The following PPTC7 variants were observed in gnomAD, a reference collection of about 807,000 sequenced individuals.
PPTC7 encodes protein phosphatase PTC7 homolog.
PPTC7 carries 6 observed loss-of-function variants against 30.8 expected under a neutral mutation model. That is an observed-to-expected ratio of 0.19 (90% CI 0.11 to 0.38). The LOEUF is 0.38. Ranked by LOEUF, PPTC7 falls within the 10% of genes least tolerant of loss-of-function variation. The pLI is 1.00. For synonymous variants in PPTC7, 163 were observed against 168.1 expected (o/e 0.97, Z 0.23); for missense variants, 218 against 404.8 (o/e 0.54, Z 3.96).
intron 3 of PPTC7, among the ~76,000 whole-genome samples, chr12:110,542,727 A>G (rs532586756): frequency 3.3e-4 from 50 of 151,744 alleles, no homozygotes; most frequent in African/African-American, 1.1e-3. Context: ...AACTGCTCAT[A>G]AAGAAACCTT....
chr12:110,537,246 T>C, intron 5 of PPTC7, 151 bp from the exon 6 acceptor site: 1 of 513,852 alleles, frequency 1.9e-6, no homozygotes, highest in Non-Finnish European at 3.4e-6. Context: ...AAAAAATATT[T>C]GATTAAAAAA....
At chr12:110,564,724 G>A (rs1329153368) in intron 1 of PPTC7, among the ~76,000 whole-genome samples, 2 of 150,544 alleles carry the variant, frequency 1.3e-5, no homozygotes, top group African/African-American at 2.5e-5. Context: ...GTGTAGAACT[G>A]TCTCTTAATT....
At chr12:110,544,134 T>C (rs1252131619) in intron 3 of PPTC7, among the ~76,000 whole-genome samples, 1 of 152,232 alleles carries the variant, frequency 6.6e-6, no homozygotes, top group East Asian at 1.9e-4. Context: ...CGCCTACTTT[T>C]ACTTTTTACT....
chr12:110,545,816 G>T, intron 3 of PPTC7, 64 bp downstream of exon 3: 1 of 1,440,256 alleles, frequency 6.9e-7, no homozygotes, highest in Non-Finnish European at 9.8e-7. Context: ...ACTCAAGGGG[G>T]ACAGGAGGGG....
chr12:110,550,306 C>A (rs1368115649), intron 2 of PPTC7, among the ~76,000 whole-genome samples: 3 of 147,546 alleles, frequency 2.0e-5, no homozygotes, highest in African/African-American at 7.6e-5. Flanking sequence ...TTTTGGCTCA[C>A]TGCAAGCTCC....
At chr12:110,542,345 T>G (rs966423776) in intron 3 of PPTC7, among the ~76,000 whole-genome samples, 1 of 150,460 alleles carries the variant, frequency 6.6e-6, no homozygotes, top group East Asian at 1.9e-4. Flanking sequence ...TGCTTCTATA[T>G]GCAGGGAATA....
intron 1 of PPTC7, among the ~76,000 whole-genome samples, chr12:110,576,129 C>T (rs2064586962): frequency 6.6e-6 from 1 of 152,104 alleles, no homozygotes. Context: ...ACTAAATCCA[C>T]TCACACTTCC....
intron 2 of PPTC7, among the ~76,000 whole-genome samples, chr12:110,551,170 C>T (rs1384200679): frequency 6.6e-6 from 1 of 152,150 alleles, no homozygotes. Context: ...CATTCTCATA[C>T]CTATCTTTTG....
intron 3 of PPTC7, among the ~76,000 whole-genome samples, chr12:110,540,936 C>T (rs926205628): frequency 4.6e-5 from 7 of 151,730 alleles, no homozygotes; most frequent in South Asian, 2.1e-4. Context: ...CAACCATGCC[C>T]GGCTAATTTT....
intron 1 of PPTC7, among the ~76,000 whole-genome samples, chr12:110,579,029 G>C (rs982512589): frequency 6.6e-6 from 1 of 152,022 alleles, no homozygotes; most frequent in Non-Finnish European, 1.5e-5. Context: ...CATGCCTGTA[G>C]TCCCAGCTAC....
intron 1 of PPTC7, among the ~76,000 whole-genome samples, chr12:110,569,670 G>T (rs1231177339): frequency 2.0e-5 from 3 of 152,120 alleles, no homozygotes; most frequent in Non-Finnish European, 4.4e-5. Flanking sequence ...CTTAGGAAAA[G>T]AAAACAAAAC....
intron 1 of PPTC7, among the ~76,000 whole-genome samples, chr12:110,559,412 A>AT (rs538513009): frequency 0.12 from 17,882 of 144,784 alleles, 1,197 homozygotes; most frequent in African/African-American, 0.19. Context: ...GAAGAAAAAA[A>AT]TTTTTTTTTT....
chr12:110,555,342 G>A (rs2064377369), intron 1 of PPTC7, among the ~76,000 whole-genome samples: 1 of 152,136 alleles, frequency 6.6e-6, no homozygotes, highest in Admixed American at 6.5e-5. Context: ...TAAAAACTCT[G>A]GGATTCGTTT....
intron 3 of PPTC7, among the ~76,000 whole-genome samples, chr12:110,544,719 AGCT>A (rs1416158065): frequency 1.3e-5 from 2 of 152,128 alleles, no homozygotes; most frequent in Non-Finnish European, 2.9e-5. Context: ...CTGTAATCCC[AGCT>A]ACTTGGGAGG....
chr12:110,544,463 A>G (rs1181594452), intron 3 of PPTC7, among the ~76,000 whole-genome samples: 1 of 152,232 alleles, frequency 6.6e-6, no homozygotes. Context: ...AAGATTGTTA[A>G]AGACACTGAA....
chr12:110,579,871 G>A (rs1021846837), intron 1 of PPTC7, among the ~76,000 whole-genome samples: 4 of 152,006 alleles, frequency 2.6e-5, no homozygotes, highest in Non-Finnish European at 5.9e-5. Context: ...AAATTAGCCG[G>A]GCGTGATGGC....
Position 110,570,044 on chromosome 12 carries a change from G to C in PPTC7, c.223+12765C>G, listed in dbSNP as rs557562890. Among the ~76,000 whole-genome samples, 17 of 152,300 alleles carry C rather than the reference G, an allele frequency of 1.1e-4. No homozygotes were observed. In the Middle Eastern group the frequency reaches 0.017, roughly 152 times the overall value. On this transcript the variant is annotated intron_variant, in intron 1 of 5. Coordinates refer to ENST00000354300, the MANE Select transcript of PPTC7 (RefSeq NM_139283.2). ...ATGGTTATAAATTAGTATTTGTGGG[G>C]AAAAGCAAGAGAGATCAGATTGTTA...
chr12:110,569,266 G>A (rs1160958779), intron 1 of PPTC7, among the ~76,000 whole-genome samples: 1 of 151,646 alleles, frequency 6.6e-6, no homozygotes, highest in Non-Finnish European at 1.5e-5. Flanking sequence ...CCAGGAGGCG[G>A]AGGTTGAAGT....
chr12:110,580,620 G>A (rs758646369), intron 1 of PPTC7, among the ~76,000 whole-genome samples: 4 of 152,182 alleles, frequency 2.6e-5, no homozygotes, highest in African/African-American at 9.7e-5. Context: ...GATTACAGGC[G>A]TGAGCCACCA....
Sources: gnomAD v4.1 joint callset for allele counts (sites outside exome capture counted in the v4.1 genomes callset) on GRCh38, gnomAD v4.1.1 for gene constraint, MANE v1.5 for transcripts, NCBI Gene and HGNC (gene_info 2026-07-23, HGNC 2026-07-21) for gene names.